ERGIC1: variants seen among roughly 807,000 people sequenced by gnomAD.
ERGIC1 encodes endoplasmic reticulum-Golgi intermediate compartment protein 1.
A neutral mutation model predicts 38.3 loss-of-function variants in ERGIC1; 19 were observed. The ratio of observed to expected loss-of-function variants is 0.50; its 90% confidence interval spans 0.35 to 0.73. ERGIC1 has a LOEUF of 0.73. ERGIC1 is among the 30% of genes least tolerant of loss of function. ERGIC1 has a pLI of 0.01. For missense variants in ERGIC1, 294 were observed against 389.2 expected (o/e 0.76, Z 2.06); for synonymous variants, 124 against 157.6 (o/e 0.79, Z 1.60).
chr5:172,891,221 G>A (rs775344058), intron 2 of ERGIC1, among the ~76,000 whole-genome samples: 1 of 152,086 alleles, frequency 6.6e-6, no homozygotes, highest in African/African-American at 2.4e-5. Context: ...TTTGTGCCTT[G>A]ACTCCCGAGG....
At chr5:172,858,663 A>T (rs1761619616) in intron 1 of ERGIC1, among the ~76,000 whole-genome samples, 1 of 152,196 alleles carries the variant, frequency 6.6e-6, no homozygotes. Context: ...CACGAGGAAA[A>T]GGCTGTTAGC....
intron 3 of ERGIC1, among the ~76,000 whole-genome samples, chr5:172,907,173 C>T (rs1763052703): frequency 6.6e-6 from 1 of 152,250 alleles, no homozygotes; most frequent in Non-Finnish European, 1.5e-5. Context: ...CTCCCTCTTG[C>T]ACAGCAGCCC....
At position 172,876,712 on chromosome 5, in the gene ERGIC1, CA is replaced by C. The variant is rs1581533103; in HGVS notation, c.21-11984del. ...GATCATGGATATCTACACCACACCC[CA>C]AAGCTTGCTCCTCCCTGTCCTTTCC... On this transcript the variant is annotated intron_variant, in intron 1 of 9. Transcript: ENST00000393784. Among the ~76,000 whole-genome samples the C allele has an allele frequency of 2.6e-5, 4 of 152,278 alleles. No individual in the cohort carries two copies. The East Asian group carries it at 7.7e-4, about 29-fold the overall frequency.
intron 1 of ERGIC1, among the ~76,000 whole-genome samples, chr5:172,877,030 C>A (rs1012100813): frequency 6.6e-6 from 1 of 152,132 alleles, no homozygotes; most frequent in Non-Finnish European, 1.5e-5. Flanking sequence ...ATAATCTTTG[C>A]CTAACCTAAA....
At chr5:172,859,074 A>C (rs2113088648) in intron 1 of ERGIC1, among the ~76,000 whole-genome samples, 1 of 152,154 alleles carries the variant, frequency 6.6e-6, no homozygotes, top group Non-Finnish European at 1.5e-5. Flanking sequence ...CTTACCGGGG[A>C]GGGCTCTGCT....
At chr5:172,939,086 C>T (rs376810127) in intron 9 of ERGIC1, among the ~76,000 whole-genome samples, 1 of 151,190 alleles carries the variant, frequency 6.6e-6, no homozygotes, top group East Asian at 1.9e-4. Flanking sequence ...AAAAAGAAAT[C>T]ACTTGGCAAG....
In ERGIC1 at chr5:172,834,316, G is replaced by T; in HGVS notation, c.-98G>T. The T allele has an allele frequency of 8.9e-7, 1 of 1,117,624 alleles. No homozygotes were observed. Among genetic ancestry groups the T allele is most frequent in the Non-Finnish European group, 1.1e-6 (1 of 904,916 alleles). 69.2% of individuals were successfully genotyped at this position (1,117,624 alleles called of 1,614,324 possible). ...CGAGTGTCAGGGGGGCGGCCGGCGG[G>T]GGCGGGGCGGCCGGAGGAGGCGTTG... On this transcript the variant is annotated 5_prime_UTR_variant, in exon 1 of 10. Transcript: ENST00000393784. This position sits in a 1 kb window ranked among gnomAD's most constrained non-coding sequence, Gnocchi z 4.1.
At chr5:172,840,442 A>G (rs547730835) in intron 1 of ERGIC1, among the ~76,000 whole-genome samples, 1 of 152,320 alleles carries the variant, frequency 6.6e-6, no homozygotes, top group East Asian at 1.9e-4. Context: ...TACCCGGTAC[A>G]TCTAAATCAG....
intron 1 of ERGIC1, among the ~76,000 whole-genome samples, chr5:172,878,097 T>C (rs1438907734): frequency 6.6e-6 from 1 of 152,158 alleles, no homozygotes; most frequent in Non-Finnish European, 1.5e-5. Flanking sequence ...GGCCAAGATT[T>C]TGTGGTCAGA....
At chr5:172,946,352 A>C (rs79538824) in intron 9 of ERGIC1, among the ~76,000 whole-genome samples, 3,701 of 152,294 alleles carry the variant, frequency 0.024, 136 homozygotes, top group East Asian at 0.13. Flanking sequence ...AATGCCAATC[A>C]GCGTCTTCCC....
At chr5:172,848,968 C>T (rs138415250) in intron 1 of ERGIC1, among the ~76,000 whole-genome samples, 8 of 152,230 alleles carry the variant, frequency 5.3e-5, no homozygotes, top group Admixed American at 2.6e-4. Context: ...GAGGCCACCA[C>T]GTGCCAGCTC....
At chr5:172,882,778 C>T (rs933320056) in intron 1 of ERGIC1, among the ~76,000 whole-genome samples, 1 of 152,158 alleles carries the variant, frequency 6.6e-6, no homozygotes. Flanking sequence ...TGCCTCCCTA[C>T]CCCTGTCCCC....
At chr5:172,892,464 G>C (rs981474390) in intron 2 of ERGIC1, among the ~76,000 whole-genome samples, 1 of 152,170 alleles carries the variant, frequency 6.6e-6, no homozygotes, top group African/African-American at 2.4e-5. Flanking sequence ...CTCCACTTAC[G>C]TGACTGTGTG....
chr5:172,855,202 G>A (rs555705658), intron 1 of ERGIC1, among the ~76,000 whole-genome samples: 2 of 152,318 alleles, frequency 1.3e-5, no homozygotes, highest in African/African-American at 4.8e-5. Context: ...ACTGCCGGGT[G>A]GGAACAATGA....
intron 5 of ERGIC1, chr5:172,922,212 C>T (rs773320083): frequency 2.0e-5 from 3 of 152,222 alleles, no homozygotes; most frequent in Non-Finnish European, 4.4e-5. Context: ...CTGCAGCTCT[C>T]GACATGTGAC....
At chr5:172,946,270 G>A (rs893699682) in intron 9 of ERGIC1, among the ~76,000 whole-genome samples, 10 of 152,148 alleles carry the variant, frequency 6.6e-5, no homozygotes, top group Non-Finnish European at 1.2e-4. Context: ...TAAGTGTCAC[G>A]ACTGCAATTT....
intron 1 of ERGIC1, among the ~76,000 whole-genome samples, chr5:172,853,666 C>G (rs1761469686): frequency 6.6e-6 from 1 of 152,208 alleles, no homozygotes; most frequent in Non-Finnish European, 1.5e-5. Flanking sequence ...TCTAAGCAGC[C>G]TCTCCAAGGA....
At position 172,846,081 on chromosome 5, in the gene ERGIC1, A is replaced by G. The variant is rs1761276587; in HGVS notation, c.20+11648A>G. ...TTTGGGGAAGCATCCCCAGAGGTGAAGCGCCCTTCTCAGCACATCCCATGG... is the reference window on the plus strand; with the variant it reads ...TTTGGGGAAGCATCCCCAGAGGTGAGGCGCCCTTCTCAGCACATCCCATGG... On this transcript the variant is annotated intron_variant, in intron 1 of 9. Transcript: ENST00000393784. The surrounding 1 kb of genome is among the most constrained non-coding windows in gnomAD (Gnocchi z 4.0). 1.3e-5 allele frequency among the ~76,000 whole-genome samples: 2 copies of G among 151,930 alleles called. No individual in the cohort carries two copies. The highest frequency in any genetic ancestry group is 1.3e-4 in the Admixed American group (2 of 15,266).
intron 3 of ERGIC1, among the ~76,000 whole-genome samples, chr5:172,900,904 T>C (rs1220948469): frequency 6.6e-6 from 1 of 152,194 alleles, no homozygotes; most frequent in Non-Finnish European, 1.5e-5. Context: ...TACTAAGGTA[T>C]AGGAGTTGCC....
Sources: allele counts gnomAD v4.1 joint callset (sites outside exome capture counted in the v4.1 genomes callset), GRCh38; gene constraint gnomAD v4.1.1; non-coding constraint Gnocchi (gnomAD v3.1); transcripts MANE v1.5; gene names NCBI Gene and HGNC (gene_info 2026-07-23, HGNC 2026-07-21).